Variants in DPYSL5 observed in about 807,000 individuals in gnomAD.
The protein encoded by DPYSL5 is dihydropyrimidinase like 5, also known as dihydropyrimidinase-related protein 5.
In DPYSL5, 9 loss-of-function variants were observed where a neutral mutation model predicts 58.4. The ratio of observed to expected loss-of-function variants is 0.15; its 90% confidence interval spans 0.09 to 0.27. The LOEUF (loss-of-function observed/expected upper bound fraction) is 0.27. Among genes scored for constraint, DPYSL5 ranks in the 10% least tolerant of loss-of-function variants. The pLI is 1.00. For missense variants in DPYSL5, 499 were observed against 770.6 expected, an observed-to-expected ratio of 0.65 and a Z score of 4.17; for synonymous variants, 293 against 301.9, an observed-to-expected ratio of 0.97 and a Z score of 0.31.
chr2:26,910,530 C>G (rs1057082375), intron 2 of DPYSL5, among the ~76,000 whole-genome samples: 1 of 151,828 alleles, frequency 6.6e-6, no homozygotes, highest in Non-Finnish European at 1.5e-5. Context: ...AGTGTCTGCT[C>G]ACACCTTTTA....
chr2:26,898,447 G>A lies in DPYSL5; in HGVS notation c.-4-49G>A, dbSNP rs1664070319. ...CTTTGATAGGAGGGATGGGAAACTG[G>A]AAACAGTGAGAAGGGACTTTGACCT... On this transcript the variant is annotated intron_variant, in intron 1 of 12. Transcript: ENST00000288699. The surrounding 1 kb of genome is among the most constrained non-coding windows in gnomAD (Gnocchi z 6.1). 1.3e-6 allele frequency: 2 copies of A among 1,588,482 alleles called. No homozygotes were observed. Among genetic ancestry groups the A allele is most frequent in the Non-Finnish European group, 1.7e-6 (2 of 1,164,030 alleles).
At chr2:26,866,953 C>T (rs1044338108) in intron 1 of DPYSL5, among the ~76,000 whole-genome samples, 8 of 151,886 alleles carry the variant, frequency 5.3e-5, no homozygotes, top group Admixed American at 5.2e-4. Context: ...AGGCTGGTCT[C>T]GAACTCCTGA....
chr2:26,930,627 A>G (rs1251049796), intron 5 of DPYSL5, among the ~76,000 whole-genome samples: 2 of 152,106 alleles, frequency 1.3e-5, no homozygotes, highest in Non-Finnish European at 2.9e-5. Context: ...GTTTATGACC[A>G]GCCTGGGCAA....
rs1412862662 is a variant in DPYSL5, at chr2:26,898,909, A to G, written c.261+149A>G. On this transcript the variant is annotated intron_variant, in intron 2 of 12. Coordinates refer to ENST00000288699, the MANE Select transcript of DPYSL5 (RefSeq NM_020134.4). The surrounding 1 kb of genome is among the most constrained non-coding windows in gnomAD (Gnocchi z 6.1). ...TGTCAGGGCCACTGTGGCAACTACA[A>G]TAGGGATTTCCGGCTTAACGTCACA... 12 of 977,266 alleles carry G rather than the reference A, an allele frequency of 1.2e-5. No homozygotes were observed. The highest frequency in any genetic ancestry group is 1.6e-5 in the African/African-American group (1 of 60,808). The allele number at this position is 977,266 out of a possible 1,614,324, so 60.5% of individuals were successfully genotyped here.
At chr2:26,894,271 G>A (rs1300704379) in intron 1 of DPYSL5, among the ~76,000 whole-genome samples, 3 of 151,844 alleles carry the variant, frequency 2.0e-5, no homozygotes, top group Non-Finnish European at 4.4e-5. Context: ...CCCTGCAGTG[G>A]CTCCCCCACA....
Position 26,948,243 on chromosome 2 carries a change from C to T in DPYSL5, c.*1248C>T, listed in dbSNP as rs894006177. On this transcript the variant is annotated 3_prime_UTR_variant, in exon 13 of 13. Transcript: ENST00000288699. ...TTGCCAGACACCAGAGAGGGAGACC[C>T]CAGGCCCACAGGACCTGGCTGTCGA... The T allele has an allele frequency of 6.6e-6, 1 of 152,346 alleles. No homozygotes were observed. Among genetic ancestry groups the T allele is most frequent in the African/African-American group, 2.4e-5 (1 of 41,458 alleles). The allele number at this position is 152,346 out of a possible 1,614,324, so 9.4% of individuals were successfully genotyped here. A position where few individuals can be genotyped will look rare whatever the true frequency, so the allele number is the denominator to read the frequency against.
intron 1 of DPYSL5, among the ~76,000 whole-genome samples, chr2:26,871,066 G>T (rs1272511849): frequency 6.6e-6 from 1 of 152,174 alleles, no homozygotes; most frequent in East Asian, 1.9e-4. Flanking sequence ...CAAATCAGGG[G>T]TCAGCAGACC....
rs1246967477 is a variant in DPYSL5, at chr2:26,947,753, T to C, written c.*758T>C. The C allele has an allele frequency of 6.5e-6, 1 of 152,820 alleles. No homozygotes were observed. The highest frequency in any genetic ancestry group is 1.5e-5 in the Non-Finnish European group (1 of 68,166). The allele number at this position is 152,820 out of a possible 1,614,324, so 9.5% of individuals were successfully genotyped here. A position where few individuals can be genotyped will look rare whatever the true frequency, so the allele number is the denominator to read the frequency against. On this transcript the variant is annotated 3_prime_UTR_variant, in exon 13 of 13. Coordinates refer to ENST00000288699, the MANE Select transcript of DPYSL5 (RefSeq NM_020134.4). The surrounding 1 kb of genome is among the most constrained non-coding windows in gnomAD (Gnocchi z 4.2). The stretch of plus-strand genomic sequence containing the variant: ...TGAAAAATAACGGTGCTTGTGTCAC[T>C]AGCATAGAATAGCGACAGGAATAGA...
intron 2 of DPYSL5, among the ~76,000 whole-genome samples, chr2:26,907,612 G>T (rs1355641157): frequency 6.6e-6 from 1 of 151,756 alleles, no homozygotes; most frequent in East Asian, 1.9e-4. Flanking sequence ...CTCCCCACAC[G>T]CACCCATCCA....
At chr2:26,869,146 G>T (rs1663193895) in intron 1 of DPYSL5, among the ~76,000 whole-genome samples, 1 of 152,088 alleles carries the variant, frequency 6.6e-6, no homozygotes, top group African/African-American at 2.4e-5. Flanking sequence ...TGTATTTTTT[G>T]AAGAGACAGG....
Position 26,934,542 on chromosome 2 carries a change from GC to G in DPYSL5, c.791-35del, listed in dbSNP as rs775907427. On this transcript the variant is annotated intron_variant, in intron 7 of 12. Transcript: ENST00000288699. The surrounding 1 kb of genome is among the most constrained non-coding windows in gnomAD (Gnocchi z 4.3). Reference sequence around the variant, plus strand: ...CACCAGCGATCGCTCAGGTTCGGTGGCTTCCTGGTTATGGTTCTGACCTTTC... The same window carrying G: ...CACCAGCGATCGCTCAGGTTCGGTGGTTCCTGGTTATGGTTCTGACCTTTC... 6.3e-7 allele frequency: 1 copy of G among 1,598,296 alleles called. No homozygotes were observed.
rs1159214272 is a variant in DPYSL5, at chr2:26,942,162, TC to T, written c.1232+72del. On this transcript the variant is annotated intron_variant, in intron 10 of 12. Transcript: ENST00000288699. The surrounding 1 kb of genome is among the most constrained non-coding windows in gnomAD (Gnocchi z 5.9). ...TTGAAGAAGACTTGCATTACAGATC[TC>T]CAAAAGCATATAATTTTGCACTATT... The T allele has an allele frequency of 2.5e-6, 4 of 1,589,530 alleles. No individual in the cohort carries two copies. In the African/African-American group the frequency reaches 5.4e-5, roughly 22 times the overall value.
At chr2:26,867,216 G>A (rs1666166125) in intron 1 of DPYSL5, among the ~76,000 whole-genome samples, 1 of 152,054 alleles carries the variant, frequency 6.6e-6, no homozygotes, top group African/African-American at 2.4e-5. Context: ...AATGGGATCC[G>A]ATTTAACGTT....
At position 26,927,510 on chromosome 2, in the gene DPYSL5, G is replaced by A. The variant is rs549857351; in HGVS notation, c.600+78G>A. On this transcript the variant is annotated intron_variant, in intron 4 of 12. Transcript: ENST00000288699. This position sits in a 1 kb window ranked among gnomAD's most constrained non-coding sequence, Gnocchi z 4.3. ...GTTCTCAGGGGATTCCTGACCACCC[G>A]TCACTGATCCCACAGGATTCAGACA... 4.9e-5 allele frequency: 74 copies of A among 1,520,964 alleles called. No homozygotes were observed. Among genetic ancestry groups the A allele is most frequent in the South Asian group, 1.9e-4 (15 of 79,626 alleles). The allele number at this position is 1,520,964 out of a possible 1,614,324, so 94.2% of individuals were successfully genotyped here. A position where few individuals can be genotyped will look rare whatever the true frequency, so the allele number is the denominator to read the frequency against.
intron 2 of DPYSL5, among the ~76,000 whole-genome samples, chr2:26,922,067 G>A (rs1664719299): frequency 6.6e-6 from 1 of 152,120 alleles, no homozygotes; most frequent in East Asian, 1.9e-4. Flanking sequence ...CCATAGGTCT[G>A]GGGATTGTGT....
At chr2:26,941,812 T>G in intron 9 of DPYSL5, 138 bp from the exon 10 acceptor site, 1 of 1,139,630 alleles carries the variant, frequency 8.8e-7, no homozygotes, top group Non-Finnish European at 1.3e-6. Context: ...TCTGAGATGG[T>G]GCTCATGGCC....
At chr2:26,901,364 G>C (rs1404136474) in intron 2 of DPYSL5, among the ~76,000 whole-genome samples, 1 of 152,068 alleles carries the variant, frequency 6.6e-6, no homozygotes, top group Non-Finnish European at 1.5e-5. Flanking sequence ...ATCCTGCCCA[G>C]AGTCCTGAAA....
rs1227330475 is a variant in DPYSL5, at chr2:26,924,817, A to T, written c.262-70A>T. 3 of 1,552,804 alleles carry T rather than the reference A, an allele frequency of 1.9e-6. No individual in the cohort carries two copies. Among genetic ancestry groups the T allele is most frequent in the Non-Finnish European group, 2.6e-6 (3 of 1,147,606 alleles). ...TGTCTTTGAATGGACCATGAGGACCATGTCTCACCACATCATTGACTCGGG... is the reference window on the plus strand; with the variant it reads ...TGTCTTTGAATGGACCATGAGGACCTTGTCTCACCACATCATTGACTCGGG... On this transcript the variant is annotated intron_variant, in intron 2 of 12. Transcript: ENST00000288699. This position sits in a 1 kb window ranked among gnomAD's most constrained non-coding sequence, Gnocchi z 4.7.
In DPYSL5 at chr2:26,948,105, A is replaced by ACG; in HGVS notation, c.*1111_*1112insGC. 1 of 153,966 alleles carries ACG rather than the reference A, an allele frequency of 6.5e-6. No homozygotes were observed. The highest frequency in any genetic ancestry group is 1.4e-5 in the Non-Finnish European group (1 of 70,570). 9.5% of individuals were successfully genotyped at this position (153,966 alleles called of 1,614,324 possible). On this transcript the variant is annotated 3_prime_UTR_variant, in exon 13 of 13. Coordinates refer to ENST00000288699, the MANE Select transcript of DPYSL5 (RefSeq NM_020134.4). The stretch of plus-strand genomic sequence containing the variant: ...CACACACACACACACACACACACAC[A>ACG]CACACGCACGGCTTCCTATAACTTC...
Sources: gnomAD v4.1 joint callset for allele counts (sites outside exome capture counted in the v4.1 genomes callset) on GRCh38, gnomAD v4.1.1 for gene constraint, Gnocchi (gnomAD v3.1) non-coding constraint, MANE v1.5 for transcripts, NCBI Gene and HGNC (gene_info 2026-07-23, HGNC 2026-07-21) for gene names.